Variants in CIMAP1D observed in about 807,000 individuals in gnomAD.
The protein encoded by CIMAP1D is protein CIMAP1D.
At chr19:475,644 A>G in the CIMAP1D span, among the ~76,000 whole-genome samples, 2 of 152,182 alleles carry the variant, frequency 1.3e-5, no homozygotes, top group East Asian at 1.9e-4. Flanking sequence ...TTAAACCACA[A>G]TGGATTTTGA....
chr19:481,994 T>C, the CIMAP1D span, among the ~76,000 whole-genome samples: 3 of 152,052 alleles, frequency 2.0e-5, no homozygotes, highest in Non-Finnish European at 4.4e-5. Flanking sequence ...CAGGCTGGTC[T>C]TTAACTCCTG....
the CIMAP1D span, among the ~76,000 whole-genome samples, chr19:490,687 AG>A: frequency 6.6e-6 from 1 of 152,200 alleles, no homozygotes; most frequent in Admixed American, 6.5e-5. Flanking sequence ...CTTCAGGGCC[AG>A]GCGCGGTGGC....
chr19:486,642 C>T, the CIMAP1D span, among the ~76,000 whole-genome samples: 10,624 of 151,658 alleles, frequency 0.07, 706 homozygotes, highest in East Asian at 0.21. Flanking sequence ...GGGCCGGGAG[C>T]GGTGGCTCAC....
At chr19:489,410 C>G in the CIMAP1D span, 1 of 153,064 alleles carries the variant, frequency 6.5e-6, no homozygotes, top group East Asian at 1.9e-4. Context: ...CCCTCCCAGC[C>G]AGACCCTCTA....
chr19:490,091 C>T, the CIMAP1D span: 1 of 397,588 alleles, frequency 2.5e-6, no homozygotes. Context: ...CGCGTTGGCT[C>T]ACGCCTGTAA....
chr19:475,749 G>C, the CIMAP1D span, among the ~76,000 whole-genome samples: 1 of 150,422 alleles, frequency 6.6e-6, no homozygotes. Flanking sequence ...GTTTGTTTCT[G>C]TATTTTTTGG....
chr19:489,335 C>G, the CIMAP1D span: 1 of 153,686 alleles, frequency 6.5e-6, no homozygotes, highest in South Asian at 1.9e-4. Flanking sequence ...CCCGACCCGC[C>G]GTCGCAGCCC....
chr19:488,713 C>T, the CIMAP1D span, among the ~76,000 whole-genome samples: 3 of 152,224 alleles, frequency 2.0e-5, no homozygotes, highest in Admixed American at 6.5e-5. Flanking sequence ...CCGGGCCCTG[C>T]GGCCCCGACC....
chr19:474,496 G>A, the CIMAP1D span: 43 of 1,019,466 alleles, frequency 4.2e-5, no homozygotes, highest in South Asian at 1.2e-3. Context: ...TGAGGTCTGG[G>A]GAAGGGCAAG....
the CIMAP1D span, among the ~76,000 whole-genome samples, chr19:465,192 G>A: frequency 1.4e-5 from 2 of 147,214 alleles, no homozygotes; most frequent in Non-Finnish European, 3.0e-5. Context: ...GTGGGTCAAT[G>A]GATGAGTGGA....
the CIMAP1D span, among the ~76,000 whole-genome samples, chr19:475,134 C>T: frequency 6.6e-6 from 1 of 152,196 alleles, no homozygotes; most frequent in South Asian, 2.1e-4. Flanking sequence ...AGCAGGAGGG[C>T]CTGGCGGGGT....
chr19:484,969 G>A, the CIMAP1D span, among the ~76,000 whole-genome samples: 4 of 152,172 alleles, frequency 2.6e-5, no homozygotes, highest in Non-Finnish European at 4.4e-5. Flanking sequence ...CAGCCCAGGT[G>A]GGCACCACGG....
At chr19:481,583 T>C in the CIMAP1D span, among the ~76,000 whole-genome samples, 1 of 142,020 alleles carries the variant, frequency 7.0e-6, no homozygotes, top group African/African-American at 2.7e-5. Flanking sequence ...GGAAGGATGA[T>C]GGAGAAGGAT....
chr19:470,451 T>TCCA, the CIMAP1D span, among the ~76,000 whole-genome samples: 2 of 152,076 alleles, frequency 1.3e-5, no homozygotes, highest in South Asian at 4.1e-4. Flanking sequence ...GACCTCGTGG[T>TCCA]CCACCCGCCT....
the CIMAP1D span, among the ~76,000 whole-genome samples, chr19:491,474 C>A: frequency 6.6e-6 from 1 of 152,116 alleles, no homozygotes; most frequent in East Asian, 1.9e-4. Context: ...CCTGGCTGGG[C>A]CCCCGTCTTC....
chr19:479,465 C>T, the CIMAP1D span, among the ~76,000 whole-genome samples: 35 of 143,570 alleles, frequency 2.4e-4, no homozygotes, highest in African/African-American at 7.2e-4. Context: ...AGTGCAGTGG[C>T]GCCATCTCAG....
At chr19:467,280 G>A in the CIMAP1D span, among the ~76,000 whole-genome samples, 2 of 152,052 alleles carry the variant, frequency 1.3e-5, no homozygotes, top group South Asian at 2.1e-4. Flanking sequence ...GAGTGGGCAG[G>A]TGGATGGGAG....
chr19:491,131 C>G, the CIMAP1D span, among the ~76,000 whole-genome samples: 1 of 151,516 alleles, frequency 6.6e-6, no homozygotes. Flanking sequence ...ACAAAACTTA[C>G]CTGAGCATGG....
chr19:471,079 C>G, the CIMAP1D span, among the ~76,000 whole-genome samples: 2 of 152,266 alleles, frequency 1.3e-5, no homozygotes, highest in African/African-American at 2.4e-5. Flanking sequence ...CAGCCTCACA[C>G]CCGACAGCAC....
Sources: gnomAD v4.1 joint callset for allele counts (sites outside exome capture counted in the v4.1 genomes callset) on GRCh38, gnomAD v4.1.1 for gene constraint, MANE v1.5 for transcripts, NCBI Gene and HGNC (gene_info 2026-07-23, HGNC 2026-07-21) for gene names.